Variants in NR6A1 observed in about 807,000 individuals in gnomAD.
NR6A1 encodes retinoic acid receptor-related testis-associated receptor.
NR6A1 carries 7 observed loss-of-function variants against 59.1 expected under a neutral mutation model. The ratio of observed to expected loss-of-function variants is 0.12; its 90% CI spans 0.07 to 0.22. The LOEUF (loss-of-function observed/expected upper bound fraction) is 0.22, where lower values mean the gene tolerates loss of function less well. Ranked by LOEUF, NR6A1 falls within the 10% of genes least tolerant of loss-of-function variation. NR6A1 has a pLI of 1.00. For synonymous variants in NR6A1, 243 were observed against 236.1 expected, an observed-to-expected ratio of 1.03 and a Z score of -0.27; for missense variants, 468 against 611.6, an observed-to-expected ratio of 0.77 and a Z score of 2.48.
At chr9:124,688,836 A>C (rs1024322770) in intron 2 of NR6A1, among the ~76,000 whole-genome samples, 4 of 152,222 alleles carry the variant, frequency 2.6e-5, no homozygotes, top group East Asian at 3.8e-4. Context: ...ATTTAGGGAG[A>C]GAATCCATAG....
In NR6A1 at chr9:124,593,378, G is replaced by A. The variant is rs1271550230; in HGVS notation, c.143-38808C>T. 2.6e-5 allele frequency among the ~76,000 whole-genome samples: 4 copies of A among 151,726 alleles called. No individual in the cohort carries two copies. The East Asian group carries it at 7.7e-4, about 29-fold the overall frequency. ...TTAATGATGCCTCCAAAACCAACAG[G>A]GTAAAGCAAACATTAGAATAAAAAA... On this transcript the variant is annotated intron_variant, in intron 2 of 9. Coordinates refer to ENST00000487099, the MANE Select transcript of NR6A1 (RefSeq NM_033334.4).
intron 2 of NR6A1, among the ~76,000 whole-genome samples, chr9:124,560,142 T>C (rs953671634): frequency 6.6e-6 from 1 of 152,242 alleles, no homozygotes; most frequent in Non-Finnish European, 1.5e-5. Context: ...CAATCCTCCC[T>C]GCCACCTCCT....
At chr9:124,601,083 C>CT (rs1405141693) in intron 2 of NR6A1, among the ~76,000 whole-genome samples, 1 of 151,810 alleles carries the variant, frequency 6.6e-6, no homozygotes, top group East Asian at 1.9e-4. Flanking sequence ...CAAAACCAGC[C>CT]TGGCCAACAT....
intron 1 of NR6A1, among the ~76,000 whole-genome samples, chr9:124,736,994 A>G (rs1840037876): frequency 6.6e-6 from 1 of 152,110 alleles, no homozygotes; most frequent in African/African-American, 2.4e-5. Flanking sequence ...TGTAGATTAT[A>G]GCAGAGTTAC....
Position 124,735,145 on chromosome 9 carries a change from C to T in NR6A1, c.101-1796G>A, listed in dbSNP as rs536085538. On this transcript the variant is annotated intron_variant, in intron 1 of 9. Transcript: ENST00000487099. ...AGAAAGCCCAGCTTAAACATCACAA[C>T]TTTTAAAGTCCTTTGCAATTCTGGG... 5.9e-5 allele frequency among the ~76,000 whole-genome samples: 9 copies of T among 152,310 alleles called. No individual in the cohort carries two copies. In the East Asian group the frequency reaches 1.7e-3, roughly 29 times the overall value.
Position 124,636,294 on chromosome 9 carries a change from T to C in NR6A1, c.143-81724A>G, listed in dbSNP as rs554489845. On this transcript the variant is annotated intron_variant, in intron 2 of 9. Coordinates refer to ENST00000487099, the MANE Select transcript of NR6A1 (RefSeq NM_033334.4). Reference sequence around the variant, plus strand: ...GTTTTATTGAGTTTTAAAGGTTCTTTAGACATTTTAAGTAACAGTACTCCA... The same window carrying C: ...GTTTTATTGAGTTTTAAAGGTTCTTCAGACATTTTAAGTAACAGTACTCCA... 2.0e-5 allele frequency among the ~76,000 whole-genome samples: 3 copies of C among 152,350 alleles called. No homozygotes were observed. The South Asian group carries it at 6.2e-4, about 32-fold the overall frequency.
chr9:124,630,565 GC>G (rs1836402179), intron 2 of NR6A1, among the ~76,000 whole-genome samples: 1 of 151,080 alleles, frequency 6.6e-6, no homozygotes, highest in Non-Finnish European at 1.5e-5. Flanking sequence ...GTGGAGGCTG[GC>G]TATCCTAGGG....
At chr9:124,548,866 G>A (rs1191858072) in intron 3 of NR6A1, among the ~76,000 whole-genome samples, 1 of 151,716 alleles carries the variant, frequency 6.6e-6, no homozygotes, top group Non-Finnish European at 1.5e-5. Context: ...CCGCCACGAA[G>A]CTGACTGTAT....
chr9:124,765,120 T>C (rs1396647262), intron 1 of NR6A1, among the ~76,000 whole-genome samples: 1 of 152,226 alleles, frequency 6.6e-6, no homozygotes, highest in Non-Finnish European at 1.5e-5. Context: ...TAATTCTTAA[T>C]GTAACGAATT....
chr9:124,643,101 T>TGGGG, intron 2 of NR6A1, among the ~76,000 whole-genome samples: 1 of 31,266 alleles, frequency 3.2e-5, no homozygotes, highest in African/African-American at 6.9e-5. Flanking sequence ...AGCCCTCGGG[T>TGGGG]GGGGGGGGGG....
At chr9:124,741,640 C>G (rs1216300961) in intron 1 of NR6A1, among the ~76,000 whole-genome samples, 1 of 152,056 alleles carries the variant, frequency 6.6e-6, no homozygotes, top group African/African-American at 2.4e-5. Context: ...AAGATTAAAG[C>G]CTACTGAAGA....
intron 2 of NR6A1, among the ~76,000 whole-genome samples, chr9:124,564,879 T>C (rs568986403): frequency 2.0e-5 from 3 of 152,270 alleles, no homozygotes; most frequent in African/African-American, 4.8e-5. Flanking sequence ...ACCAAAGGCA[T>C]GGAATGGAGA....
chr9:124,752,332 TAAAGATAA>T (rs2131175975), intron 1 of NR6A1, among the ~76,000 whole-genome samples: 1 of 152,214 alleles, frequency 6.6e-6, no homozygotes, highest in African/African-American at 2.4e-5. Context: ...CAAAAAGTTT[TAAAGATAA>T]AATCAAATTA....
intron 2 of NR6A1, among the ~76,000 whole-genome samples, chr9:124,720,779 A>G (rs1839540801): frequency 2.6e-5 from 4 of 151,810 alleles, no homozygotes; most frequent in Non-Finnish European, 4.4e-5. Flanking sequence ...AGATATTTAG[A>G]AAAAAAAAGT....
At chr9:124,581,602 G>C (rs542745340) in intron 2 of NR6A1, among the ~76,000 whole-genome samples, 1 of 151,736 alleles carries the variant, frequency 6.6e-6, no homozygotes, top group Non-Finnish European at 1.5e-5. Flanking sequence ...AAAAACAAAC[G>C]AACAAACAAA....
chr9:124,633,590 CT>C (rs947877523), intron 2 of NR6A1, among the ~76,000 whole-genome samples: 17 of 152,080 alleles, frequency 1.1e-4, no homozygotes, highest in African/African-American at 3.9e-4. Context: ...AGCAGGGCCC[CT>C]GGTACTGTCA....
chr9:124,593,864 C>G (rs960893435), intron 2 of NR6A1, among the ~76,000 whole-genome samples: 38 of 152,034 alleles, frequency 2.5e-4, no homozygotes, highest in Non-Finnish European at 2.1e-4. Flanking sequence ...TCTCCAAATC[C>G]CAACCCCCAT....
intron 2 of NR6A1, among the ~76,000 whole-genome samples, chr9:124,711,889 G>A (rs528073714): frequency 2.1e-4 from 32 of 152,336 alleles, no homozygotes; most frequent in African/African-American, 7.2e-4. Flanking sequence ...AGCCTCCTGA[G>A]GAGCTGGGAC....
chr9:124,540,233 T>C, intron 4 of NR6A1, 46 bp from the exon 5 acceptor site: 1 of 1,578,276 alleles, frequency 6.3e-7, no homozygotes, highest in Non-Finnish European at 8.6e-7. Flanking sequence ...TCAGGACACT[T>C]GCTCTTTCTT....
Sources: allele counts gnomAD v4.1 joint callset (sites outside exome capture counted in the v4.1 genomes callset), GRCh38; gene constraint gnomAD v4.1.1; transcripts MANE v1.5; gene names NCBI Gene and HGNC (gene_info 2026-07-23, HGNC 2026-07-21).